Variants in ARMC9 observed in about 807,000 individuals in gnomAD.
ARMC9 encodes lisH domain-containing protein ARMC9.
Under a neutral mutation model 107.0 loss-of-function variants are expected in ARMC9, and 94 were observed. The ratio of observed to expected loss-of-function variants is 0.88; its 90% CI spans 0.74 to 1.04. The LOEUF (loss-of-function observed/expected upper bound fraction) is 1.04, where lower values mean the gene tolerates loss of function less well. Ranked by LOEUF, ARMC9 falls within the 50% of genes least tolerant of loss-of-function variation. The pLI, the probability that ARMC9 is intolerant of heterozygous loss-of-function variation, is 0.00. For synonymous variants in ARMC9, 380 were observed against 396.9 expected (o/e 0.96, Z 0.51); for missense variants, 942 against 1,030.1 (o/e 0.91, Z 1.17).
intron 16 of ARMC9, 69 bp downstream of exon 16, chr2:231,278,527 A>G: frequency 7.2e-7 from 1 of 1,383,110 alleles, no homozygotes; most frequent in Non-Finnish European, 1.0e-6. Flanking sequence ...CTGTGACCCC[A>G]CAGGCACACA....
intron 9 of ARMC9, among the ~76,000 whole-genome samples, chr2:231,244,926 C>T (rs927363111): frequency 6.6e-6 from 1 of 152,254 alleles, no homozygotes; most frequent in Non-Finnish European, 1.5e-5. Context: ...GTCACCGCCT[C>T]TCTGGAGAGG....
chr2:231,284,444 A>G (rs1300678359), intron 17 of ARMC9, among the ~76,000 whole-genome samples: 1 of 152,240 alleles, frequency 6.6e-6, no homozygotes, highest in Admixed American at 6.5e-5. Context: ...TGCTCAGTTT[A>G]TAGTTGAGAC....
intron 19 of ARMC9, among the ~76,000 whole-genome samples, chr2:231,311,767 C>T (rs1311139557): frequency 1.5e-5 from 1 of 68,794 alleles, no homozygotes; most frequent in South Asian, 5.2e-4. Context: ...AAGACTCCAT[C>T]GCCAAAAAAA....
intron 23 of ARMC9, among the ~76,000 whole-genome samples, chr2:231,367,086 G>A (rs1350522445): frequency 1.3e-5 from 2 of 151,866 alleles, no homozygotes. Flanking sequence ...TCATGACCTC[G>A]TGATCCCCCC....
chr2:231,210,056 C>T (rs975112057), intron 3 of ARMC9, among the ~76,000 whole-genome samples: 3 of 152,144 alleles, frequency 2.0e-5, no homozygotes, highest in Non-Finnish European at 2.9e-5. Flanking sequence ...GCTTGCAAGC[C>T]CCTTGAGTGG....
intron 14 of ARMC9, among the ~76,000 whole-genome samples, chr2:231,275,824 A>T (rs1354439535): frequency 6.6e-6 from 1 of 152,168 alleles, no homozygotes. Context: ...GTGGTGGCGC[A>T]TGCCTGTAAT....
rs1050908729 is a variant in ARMC9 at position 231,344,996 on chromosome 2, A to G, written c.1900A>G (p.Thr634Ala). The G allele has an allele frequency of 6.2e-7, 1 of 1,614,050 alleles. No individual in the cohort carries two copies. Among genetic ancestry groups the G allele is most frequent in the Non-Finnish European group, 8.5e-7 (1 of 1,180,000 alleles). ...YLGIMTNTGK[T>A]RRKGLANVQW... ...CCAGATCATGACCAACACGGGGAAG[A>G]CAAGGCGGAAGGGGCTGGCTAATGT... Residue 634 changes from threonine to alanine, a missense_variant, in exon 21 of 25, where the codon ACA becomes GCA. Transcript: ENST00000611582.
In ARMC9 at chr2:231,355,326, T is replaced by C. The variant is rs181391345; in HGVS notation, c.1995-472T>C. ...TGGCACTCCAGCCTGGGCGACAGAG[T>C]GAGACCCTGTCTCTAAGAAAAAAAG... is the stretch of plus-strand genomic sequence containing the variant. On this transcript the variant is annotated intron_variant, in intron 21 of 24. Coordinates refer to ENST00000611582, the MANE Select transcript of ARMC9 (RefSeq NM_001352754.2). Among the ~76,000 whole-genome samples, 916 of 152,222 alleles carry C rather than the reference T, an allele frequency of 6.0e-3. 3 individuals carry two copies. Among genetic ancestry groups the C allele is most frequent in the South Asian group, 0.018 (85 of 4,818 alleles).
intron 18 of ARMC9, 180 bp from the exon 19 acceptor site, chr2:231,296,018 G>T: frequency 4.7e-6 from 2 of 424,808 alleles, no homozygotes; most frequent in Non-Finnish European, 8.3e-6. Flanking sequence ...ATTTAAAATT[G>T]CTTAGGATGA....
chr2:231,323,318 A>T (rs989454553), intron 19 of ARMC9, among the ~76,000 whole-genome samples: 2 of 152,174 alleles, frequency 1.3e-5, no homozygotes, highest in African/African-American at 2.4e-5. Flanking sequence ...AAAAGTCCAG[A>T]TACATCCTCA....
At chr2:231,357,293 G>T (rs1463040112) in intron 22 of ARMC9, among the ~76,000 whole-genome samples, 1 of 152,180 alleles carries the variant, frequency 6.6e-6, no homozygotes, top group African/African-American at 2.4e-5. Flanking sequence ...CTGCCCACCA[G>T]CCCCCAGATG....
intron 20 of ARMC9, among the ~76,000 whole-genome samples, chr2:231,333,788 G>T (rs1244300691): frequency 2.6e-5 from 4 of 152,332 alleles, no homozygotes; most frequent in African/African-American, 9.6e-5. Flanking sequence ...ACGCAGGCAC[G>T]TAAACATGAG....
chr2:231,337,530 C>T (rs1488476614), intron 20 of ARMC9, among the ~76,000 whole-genome samples: 1 of 127,412 alleles, frequency 7.8e-6, no homozygotes, highest in East Asian at 2.1e-4. Flanking sequence ...AGTTCAGTGG[C>T]GGGATCTCGG....
intron 7 of ARMC9, 44 bp from the exon 8 acceptor site, chr2:231,235,180 T>C: frequency 6.4e-7 from 1 of 1,570,772 alleles, no homozygotes; most frequent in Non-Finnish European, 8.6e-7. Flanking sequence ...ATTTTTCATA[T>C]TGTGGATTTT....
At chr2:231,199,416 T>C (rs2030375245) in intron 1 of ARMC9, among the ~76,000 whole-genome samples, 1 of 152,208 alleles carries the variant, frequency 6.6e-6, no homozygotes, top group Non-Finnish European at 1.5e-5. Flanking sequence ...TGCACAAGCG[T>C]GCCAGCTGAT....
At chr2:231,364,625 C>T (rs1324485996) in intron 23 of ARMC9, among the ~76,000 whole-genome samples, 1 of 152,058 alleles carries the variant, frequency 6.6e-6, no homozygotes, top group Non-Finnish European at 1.5e-5. Flanking sequence ...TGGTGAAACC[C>T]TGTCTTTACT....
At chr2:231,262,178 G>C (rs2038422374) in intron 11 of ARMC9, 128 bp from the exon 12 acceptor site, 2 of 875,346 alleles carry the variant, frequency 2.3e-6, no homozygotes, top group Non-Finnish European at 3.7e-6. Flanking sequence ...TCCCCAAGCT[G>C]GATATTACTT....
intron 20 of ARMC9, among the ~76,000 whole-genome samples, chr2:231,339,208 A>G (rs1173255493): frequency 6.9e-6 from 1 of 144,028 alleles, no homozygotes. Flanking sequence ...TGCATCTGTA[A>G]TCCCAGCTAC....
At chr2:231,251,698 G>T (rs2037314436) in intron 9 of ARMC9, among the ~76,000 whole-genome samples, 1 of 152,120 alleles carries the variant, frequency 6.6e-6, no homozygotes, top group Non-Finnish European at 1.5e-5. Flanking sequence ...CTTGCCAAAT[G>T]CATGAAATAC....
Sources: allele counts gnomAD v4.1 joint callset (sites outside exome capture counted in the v4.1 genomes callset), GRCh38; gene constraint gnomAD v4.1.1; transcripts MANE v1.5; gene names NCBI Gene and HGNC (gene_info 2026-07-23, HGNC 2026-07-21).